The following DSCAM variants were observed in gnomAD, a reference collection of about 807,000 sequenced individuals.
The protein encoded by DSCAM is DS cell adhesion molecule, also known as cell adhesion molecule DSCAM.
Under a neutral mutation model 217.7 loss-of-function variants are expected in DSCAM, and 47 were observed. The observed-to-expected ratio is 0.22, with a 90% CI of 0.17 to 0.28. The LOEUF is 0.28. DSCAM is among the 10% of genes least tolerant of loss of function. The probability of loss-of-function intolerance (pLI) is 1.00; values close to 1 mark genes in which losing one functional copy is unlikely to be tolerated. For synonymous variants in DSCAM, 1,056 were observed against 1,015.3 expected (o/e 1.04, Z -0.76); for missense variants, 2,080 against 2,618.3 (o/e 0.79, Z 4.49).
chr21:40,229,864 A>T (rs2091365732), intron 11 of DSCAM, among the ~76,000 whole-genome samples: 1 of 152,210 alleles, frequency 6.6e-6, no homozygotes, highest in Non-Finnish European at 1.5e-5. Context: ...GCAAACACCC[A>T]GGTGTACAAT....
At chr21:40,155,493 G>C (rs1001030152) in intron 16 of DSCAM, among the ~76,000 whole-genome samples, 7 of 152,314 alleles carry the variant, frequency 4.6e-5, no homozygotes, top group Admixed American at 1.3e-4. Context: ...CGGCAGTGTG[G>C]CCAAGGAGGG....
chr21:40,018,949 A>G (rs1025141687), intron 32 of DSCAM, among the ~76,000 whole-genome samples: 1 of 152,188 alleles, frequency 6.6e-6, no homozygotes, highest in African/African-American at 2.4e-5. Flanking sequence ...TCCCTTCAAC[A>G]ATGTGTATTT....
In DSCAM at chr21:40,081,058, C is replaced by T. The variant is rs147431744; in HGVS notation, c.4232-718G>A. On this transcript the variant is annotated intron_variant, in intron 24 of 32. Transcript: ENST00000400454. Reference sequence around the variant, plus strand: ...ACAGTGACGACTCTCCCACAGAACACGTGGGACACTGAAGTCCAGAGCAGT... The same window carrying T: ...ACAGTGACGACTCTCCCACAGAACATGTGGGACACTGAAGTCCAGAGCAGT... Among the ~76,000 whole-genome samples, 302 of 152,320 alleles carry T rather than the reference C, an allele frequency of 2.0e-3. 3 individuals are homozygous for T. Among genetic ancestry groups the T allele is most frequent in the African/African-American group, 6.7e-3 (279 of 41,558 alleles).
intron 3 of DSCAM, among the ~76,000 whole-genome samples, chr21:40,683,575 G>A (rs2090438907): frequency 6.6e-6 from 1 of 152,144 alleles, no homozygotes; most frequent in Admixed American, 6.5e-5. Flanking sequence ...CTAAAGAGAA[G>A]CTGTCTGAAG....
At chr21:40,432,221 T>TATAAATAAATAAATAA (rs980618588) in intron 3 of DSCAM, among the ~76,000 whole-genome samples, 3 of 149,690 alleles carry the variant, frequency 2.0e-5, no homozygotes, top group Non-Finnish European at 4.4e-5. Context: ...AAAATAAATA[T>TATAAATAAATAAATAA]ATAAATAAAT....
chr21:40,578,592 A>AC (rs2076875490), intron 3 of DSCAM, among the ~76,000 whole-genome samples: 1 of 152,184 alleles, frequency 6.6e-6, no homozygotes, highest in African/African-American at 2.4e-5. Flanking sequence ...AGCAGCACCC[A>AC]GCGTGGGACC....
chr21:40,364,074 T>C (rs2074799364), intron 4 of DSCAM, among the ~76,000 whole-genome samples: 1 of 152,204 alleles, frequency 6.6e-6, no homozygotes, highest in South Asian at 2.1e-4. Context: ...TTTTACACTG[T>C]TGGTGGGACT....
chr21:40,080,785 A>G (rs1042794175), intron 24 of DSCAM, among the ~76,000 whole-genome samples: 8 of 152,176 alleles, frequency 5.3e-5, no homozygotes, highest in African/African-American at 1.2e-4. Flanking sequence ...CTCACTCCTC[A>G]TGTACTCCTG....
chr21:40,703,325 G>A (rs1210397582), intron 2 of DSCAM, among the ~76,000 whole-genome samples: 2 of 152,064 alleles, frequency 1.3e-5, no homozygotes, highest in Non-Finnish European at 2.9e-5. Flanking sequence ...CGACCATCCT[G>A]GGCAACATAG....
At chr21:40,208,617 A>G (rs543307395) in intron 11 of DSCAM, among the ~76,000 whole-genome samples, 4 of 152,200 alleles carry the variant, frequency 2.6e-5, no homozygotes, top group African/African-American at 7.2e-5. Flanking sequence ...CTTACTCACC[A>G]GGAAACAGCT....
At chr21:40,193,779 T>C (rs868464302) in intron 11 of DSCAM, among the ~76,000 whole-genome samples, 13 of 152,230 alleles carry the variant, frequency 8.5e-5, no homozygotes, top group African/African-American at 2.6e-4. Flanking sequence ...AAACAGACAG[T>C]TTTCCTTTGA....
At chr21:40,626,616 C>T (rs2089604600) in intron 3 of DSCAM, among the ~76,000 whole-genome samples, 1 of 152,236 alleles carries the variant, frequency 6.6e-6, no homozygotes, top group African/African-American at 2.4e-5. Context: ...TGGCTCCAGC[C>T]ATGCTGTCTT....
At chr21:40,420,220 C>T (rs868569328) in intron 3 of DSCAM, among the ~76,000 whole-genome samples, 3 of 146,306 alleles carry the variant, frequency 2.1e-5, no homozygotes, top group South Asian at 4.3e-4. Flanking sequence ...TAAACAATGC[C>T]AATTTTCATT....
intron 10 of DSCAM, among the ~76,000 whole-genome samples, chr21:40,283,762 A>G (rs2073792283): frequency 6.6e-6 from 1 of 152,236 alleles, no homozygotes; most frequent in African/African-American, 2.4e-5. Context: ...CATATGATGT[A>G]GGATTGTTGT....
intron 3 of DSCAM, among the ~76,000 whole-genome samples, chr21:40,553,941 C>T (rs189767719): frequency 5.9e-5 from 9 of 152,154 alleles, no homozygotes; most frequent in South Asian, 2.1e-4. Flanking sequence ...CAAAGCCAAG[C>T]GGAGGAGGAA....
intron 1 of DSCAM, among the ~76,000 whole-genome samples, chr21:40,786,524 C>T (rs4818179): frequency 0.46 from 69,368 of 151,820 alleles, 17,585 homozygotes; most frequent in South Asian, 0.66. Flanking sequence ...TTTAACGAGA[C>T]ACCCAGGAGA....
chr21:40,775,890 C>T lies in DSCAM; in HGVS notation c.44-67119G>A, dbSNP rs148740882. Among the ~76,000 whole-genome samples the T allele has an allele frequency of 3.7e-3, 561 of 152,258 alleles. 2 individuals are homozygous for T. The highest frequency in any genetic ancestry group is 0.013 in the African/African-American group (540 of 41,554). On this transcript the variant is annotated intron_variant, in intron 1 of 32. Transcript: ENST00000400454. ...CGAACCTTTGCAGTTTTGATTGACT[C>T]GTCAAAAGACTAAGGTTGTTCATCA...
intron 2 of DSCAM, among the ~76,000 whole-genome samples, chr21:40,703,938 G>A (rs1475896386): frequency 6.6e-6 from 1 of 151,972 alleles, no homozygotes; most frequent in African/African-American, 2.4e-5. Context: ...GTTCACAGCA[G>A]GTTCCCATAT....
intron 3 of DSCAM, among the ~76,000 whole-genome samples, chr21:40,547,018 T>C (rs549418618): frequency 1.3e-5 from 2 of 152,042 alleles, no homozygotes; most frequent in Non-Finnish European, 2.9e-5. Context: ...GTCAACCCCA[T>C]CCAAATCCCC....
Sources: allele counts gnomAD v4.1 joint callset (sites outside exome capture counted in the v4.1 genomes callset), GRCh38; gene constraint gnomAD v4.1.1; transcripts MANE v1.5; gene names NCBI Gene and HGNC (gene_info 2026-07-23, HGNC 2026-07-21).